The following MDGA2 variants were observed in gnomAD, a reference collection of about 807,000 sequenced individuals.
MDGA2 encodes the protein MAM domain containing glycosylphosphatidylinositol anchor 2.
MDGA2 carries 40 observed loss-of-function variants against 117.8 expected under a neutral mutation model. The ratio of observed to expected loss-of-function variants is 0.34; its 90% CI spans 0.26 to 0.44. The LOEUF (loss-of-function observed/expected upper bound fraction) is 0.44. Ranked by LOEUF, MDGA2 falls within the 20% of genes least tolerant of loss-of-function variation. MDGA2 has a pLI of 1.00. For synonymous variants in MDGA2, 452 were observed against 439.0 expected (o/e 1.03, Z -0.37); for missense variants, 1,123 against 1,250.6 (o/e 0.90, Z 1.54).
chr14:46,986,394 C>T (rs1886859574), intron 8 of MDGA2, among the ~76,000 whole-genome samples: 1 of 151,930 alleles, frequency 6.6e-6, no homozygotes. Flanking sequence ...TTATAAAGCA[C>T]CAGGGTGATT....
chr14:47,527,869 G>A (rs558090974), intron 1 of MDGA2, among the ~76,000 whole-genome samples: 72 of 152,266 alleles, frequency 4.7e-4, no homozygotes, highest in African/African-American at 1.7e-3. Context: ...ATTTGGACAT[G>A]AGAGAGAGGA....
intron 8 of MDGA2, among the ~76,000 whole-genome samples, chr14:47,003,935 A>G (rs1335612320): frequency 6.6e-6 from 1 of 151,974 alleles, no homozygotes; most frequent in Non-Finnish European, 1.5e-5. Context: ...AGAATTTATA[A>G]AAGAAATGAT....
At chr14:47,177,457 A>T (rs966318569) in intron 3 of MDGA2, among the ~76,000 whole-genome samples, 18 of 152,204 alleles carry the variant, frequency 1.2e-4, no homozygotes, top group Non-Finnish European at 1.6e-4. Context: ...GACACCATGG[A>T]ATACTATGCA....
intron 5 of MDGA2, among the ~76,000 whole-genome samples, chr14:47,109,562 A>G (rs1880922932): frequency 6.6e-6 from 1 of 152,222 alleles, no homozygotes; most frequent in Non-Finnish European, 1.5e-5. Flanking sequence ...TAGGTGCTCA[A>G]TAAAATTTTA....
intron 5 of MDGA2, among the ~76,000 whole-genome samples, chr14:47,130,246 A>G (rs1426756040): frequency 6.6e-6 from 1 of 152,038 alleles, no homozygotes; most frequent in Admixed American, 6.6e-5. Context: ...TAAGTCTTTA[A>G]TCCATCTTGA....
intron 4 of MDGA2, among the ~76,000 whole-genome samples, chr14:47,135,236 G>A (rs1882395270): frequency 1.3e-5 from 2 of 151,898 alleles, no homozygotes; most frequent in Admixed American, 6.6e-5. Flanking sequence ...TAATAATTTA[G>A]TCATTTCTTG....
At chr14:47,351,778 G>A (rs1890887477) in intron 1 of MDGA2, among the ~76,000 whole-genome samples, 1 of 152,050 alleles carries the variant, frequency 6.6e-6, no homozygotes, top group African/African-American at 2.4e-5. Flanking sequence ...TGATTTCAGT[G>A]AAACCAGAAA....
At chr14:47,018,148 T>C (rs897774537) in intron 8 of MDGA2, among the ~76,000 whole-genome samples, 1 of 152,058 alleles carries the variant, frequency 6.6e-6, no homozygotes, top group Non-Finnish European at 1.5e-5. Flanking sequence ...TAATTGACTT[T>C]TTTTTTCCCC....
chr14:47,542,469 G>A (rs1198983890), intron 1 of MDGA2, among the ~76,000 whole-genome samples: 3 of 152,072 alleles, frequency 2.0e-5, no homozygotes, highest in South Asian at 2.1e-4. Flanking sequence ...TCGATGAATC[G>A]GTTGGTACAC....
At chr14:47,609,904 G>A (rs1472574986) in intron 1 of MDGA2, among the ~76,000 whole-genome samples, 1 of 151,826 alleles carries the variant, frequency 6.6e-6, no homozygotes, top group Admixed American at 6.6e-5. Context: ...ACCAGGAAAG[G>A]ATACAACCAA....
chr14:47,323,149 G>GATAT (rs58765297), intron 1 of MDGA2, among the ~76,000 whole-genome samples: 2,943 of 105,796 alleles, frequency 0.028, 95 homozygotes, highest in Non-Finnish European at 0.034. Context: ...AAGAGTCATG[G>GATAT]ATATATATAT....
intron 5 of MDGA2, among the ~76,000 whole-genome samples, chr14:47,124,188 C>G (rs1352513999): frequency 2.0e-5 from 3 of 152,046 alleles, no homozygotes; most frequent in African/African-American, 7.2e-5. Flanking sequence ...CACATATTAG[C>G]TTTGCCCTCA....
intron 4 of MDGA2, among the ~76,000 whole-genome samples, chr14:47,139,776 A>G (rs1426849412): frequency 1.5e-5 from 2 of 137,286 alleles, no homozygotes; most frequent in African/African-American, 2.7e-5. Context: ...ATACATATAT[A>G]CACACAAATA....
intron 3 of MDGA2, among the ~76,000 whole-genome samples, chr14:47,203,648 G>A (rs1307436850): frequency 6.6e-6 from 1 of 151,928 alleles, no homozygotes; most frequent in Non-Finnish European, 1.5e-5. Flanking sequence ...CAGAGAAAGA[G>A]AAGTAGAAGC....
intron 10 of MDGA2, among the ~76,000 whole-genome samples, chr14:46,883,702 G>C (rs948225832): frequency 5.3e-5 from 8 of 151,974 alleles, no homozygotes; most frequent in African/African-American, 1.9e-4. Context: ...CAAGCACTTT[G>C]AAGCTTTCTT....
At chr14:47,189,864 A>G (rs1215136513) in intron 3 of MDGA2, among the ~76,000 whole-genome samples, 1 of 152,122 alleles carries the variant, frequency 6.6e-6, no homozygotes, top group Non-Finnish European at 1.5e-5. Flanking sequence ...TCTCACTGAG[A>G]TGGTGACAAT....
chr14:47,144,958 T>C (rs1025054206), intron 3 of MDGA2, among the ~76,000 whole-genome samples: 2 of 151,786 alleles, frequency 1.3e-5, no homozygotes, highest in Non-Finnish European at 2.9e-5. Flanking sequence ...CTCTTTGTCT[T>C]AATATACTTC....
At chr14:47,055,873 G>T (rs986334555) in intron 7 of MDGA2, among the ~76,000 whole-genome samples, 2 of 152,198 alleles carry the variant, frequency 1.3e-5, no homozygotes, top group South Asian at 4.1e-4. Flanking sequence ...TTACTATCCA[G>T]CCCTTTACGA....
intron 2 of MDGA2, among the ~76,000 whole-genome samples, chr14:47,247,088 AG>A (rs1887265827): frequency 6.6e-6 from 1 of 151,834 alleles, no homozygotes; most frequent in African/African-American, 2.4e-5. Flanking sequence ...GCTATACTTC[AG>A]GCTGTATCTT....
Sources: allele counts gnomAD v4.1 joint callset (sites outside exome capture counted in the v4.1 genomes callset), GRCh38; gene constraint gnomAD v4.1.1; transcripts MANE v1.5; gene names NCBI Gene and HGNC (gene_info 2026-07-23, HGNC 2026-07-21).